The following STARD10 variants were observed in gnomAD, a reference collection of about 807,000 sequenced individuals.
STARD10 encodes the protein StAR related lipid transfer domain containing 10.
A neutral mutation model predicts 36.0 loss-of-function variants in STARD10; 24 were observed. That is an observed-to-expected ratio of 0.67 (90% CI 0.48 to 0.94). The LOEUF is 0.94. Among genes scored for constraint, STARD10 ranks in the 40% least tolerant of loss-of-function variants. The probability of loss-of-function intolerance (pLI) is 0.00; values close to 1 mark genes in which losing one functional copy is unlikely to be tolerated. For missense variants in STARD10, 335 were observed against 396.6 expected, an observed-to-expected ratio of 0.84 and a Z score of 1.32; for synonymous variants, 156 against 161.9, an observed-to-expected ratio of 0.96 and a Z score of 0.28.
intron 5 of STARD10, among the ~76,000 whole-genome samples, chr11:72,756,374 T>C (rs1858644427): frequency 6.6e-6 from 1 of 151,978 alleles, no homozygotes; most frequent in South Asian, 2.1e-4. Flanking sequence ...CCCCATCCTC[T>C]AGTCATTCAC....
intron 2 of STARD10, among the ~76,000 whole-genome samples, chr11:72,763,146 CAAG>C (rs1858743128): frequency 6.6e-6 from 1 of 152,154 alleles, no homozygotes; most frequent in Non-Finnish European, 1.5e-5. Flanking sequence ...CAGTCCCAGG[CAAG>C]CTAGGACAGT....
At chr11:72,785,263 A>C (rs1859056933) in intron 1 of STARD10, among the ~76,000 whole-genome samples, 1 of 152,014 alleles carries the variant, frequency 6.6e-6, no homozygotes, top group Non-Finnish European at 1.5e-5. Flanking sequence ...GCAGGGACAA[A>C]GCAGAAATAA....
At chr11:72,757,963 AC>A (rs1288704975) in intron 4 of STARD10, 79 bp from the exon 5 acceptor site, 16 of 1,142,486 alleles carry the variant, frequency 1.4e-5, no homozygotes, top group Non-Finnish European at 1.7e-5. Flanking sequence ...ACAAACGCGC[AC>A]GCGCACACAC....
chr11:72,772,516 A>G (rs1353213741), intron 2 of STARD10, among the ~76,000 whole-genome samples: 1 of 152,018 alleles, frequency 6.6e-6, no homozygotes, highest in African/African-American at 2.4e-5. Context: ...GCCCCTCTTC[A>G]CTGCCCAGAC....
At chr11:72,792,612 T>C (rs540855157) in intron 1 of STARD10, among the ~76,000 whole-genome samples, 12 of 152,052 alleles carry the variant, frequency 7.9e-5, no homozygotes, top group Non-Finnish European at 1.5e-4. Flanking sequence ...TGTGCCTAGG[T>C]GCCACCTCGC....
At chr11:72,786,986 A>G (rs748228358) in intron 1 of STARD10, among the ~76,000 whole-genome samples, 3 of 146,342 alleles carry the variant, frequency 2.0e-5, no homozygotes, top group African/African-American at 7.6e-5. Context: ...TAGGAGCCTG[A>G]GGTGAGAGGA....
intron 2 of STARD10, among the ~76,000 whole-genome samples, chr11:72,777,511 C>T (rs1419371662): frequency 6.6e-6 from 1 of 152,246 alleles, no homozygotes; most frequent in African/African-American, 2.4e-5. Flanking sequence ...CTGACCTGGG[C>T]TTTGAGAGAC....
intron 3 of STARD10, 110 bp from the exon 4 acceptor site, chr11:72,758,743 A>C: frequency 1.4e-6 from 1 of 731,980 alleles, no homozygotes; most frequent in South Asian, 1.8e-5. Context: ...CCAGCTCTCC[A>C]GTGCAAAGAT....
At chr11:72,780,795 G>T in intron 2 of STARD10, 180 bp downstream of exon 2, 1 of 647,842 alleles carries the variant, frequency 1.5e-6, no homozygotes, top group Non-Finnish European at 2.7e-6. Flanking sequence ...GGCCTCGGTT[G>T]GCCCATCTGT....
chr11:72,793,700 G>A lies in STARD10; in HGVS notation c.-939C>T, dbSNP rs563693736. 2 of 152,322 alleles carry A rather than the reference G, an allele frequency of 1.3e-5. No individual in the cohort carries two copies. The highest frequency in any genetic ancestry group is 4.1e-4 in the South Asian group (2 of 4,826). The allele number at this position is 152,322 out of a possible 1,614,324, so 9.4% of individuals were successfully genotyped here. On this transcript the variant is annotated 5_prime_UTR_variant, in exon 1 of 7. Coordinates refer to ENST00000334805, the MANE Select transcript of STARD10 (RefSeq NM_006645.3). Reference sequence around the variant, plus strand: ...CCCACGTGTCGATCCCGAGACTCTCGGCTTGCGCAGGCGCTCTTTGGTGTT... The same window carrying A: ...CCCACGTGTCGATCCCGAGACTCTCAGCTTGCGCAGGCGCTCTTTGGTGTT...
In STARD10 at chr11:72,781,284, C is replaced by T; in HGVS notation, c.-103G>A. On this transcript the variant is annotated 5_prime_UTR_variant, in exon 2 of 7. Transcript: ENST00000334805. This position sits in a 1 kb window ranked among gnomAD's most constrained non-coding sequence, Gnocchi z 4.7. ...ACGCGGCTGCAGATGCTGACGCCAC[C>T]TTCCTGGGACCTGCAAGACCGGTTT... The T allele has an allele frequency of 4.0e-6, 4 of 1,007,506 alleles. No homozygotes were observed. Among genetic ancestry groups the T allele is most frequent in the Non-Finnish European group, 5.9e-6 (4 of 682,972 alleles). The allele number at this position is 1,007,506 out of a possible 1,614,324, so 62.4% of individuals were successfully genotyped here.
intron 1 of STARD10, among the ~76,000 whole-genome samples, chr11:72,788,574 C>CTTT (rs72079658): frequency 2.9e-4 from 42 of 146,580 alleles, no homozygotes; most frequent in Middle Eastern, 3.5e-3. Context: ...GAAATTCAGC[C>CTTT]TTTTTTTTTT....
At chr11:72,761,725 C>T (rs996296188) in intron 2 of STARD10, among the ~76,000 whole-genome samples, 2 of 151,342 alleles carry the variant, frequency 1.3e-5, no homozygotes. Context: ...GCCTGGGTGA[C>T]AGAGCAAGAC....
chr11:72,778,553 AC>A, intron 2 of STARD10, among the ~76,000 whole-genome samples: 1 of 152,296 alleles, frequency 6.6e-6, no homozygotes, highest in East Asian at 1.9e-4. Context: ...GGTGCCCATA[AC>A]CAGGGTCCCA....
At chr11:72,759,140 G>A in intron 3 of STARD10, 94 bp downstream of exon 3, 3 of 1,487,082 alleles carry the variant, frequency 2.0e-6, no homozygotes, top group Non-Finnish European at 1.8e-6. Flanking sequence ...TTGGTCATGT[G>A]AGTAACCACA....
chr11:72,763,823 C>T (rs578054063), intron 2 of STARD10, among the ~76,000 whole-genome samples: 172 of 152,270 alleles, frequency 1.1e-3, no homozygotes, highest in African/African-American at 3.8e-3. Flanking sequence ...CAGGCACTGC[C>T]CCAAATGTTC....
intron 2 of STARD10, among the ~76,000 whole-genome samples, chr11:72,771,307 G>T (rs1858853491): frequency 6.6e-6 from 1 of 152,168 alleles, no homozygotes; most frequent in African/African-American, 2.4e-5. Context: ...TGGAGTTCAG[G>T]GGATGTTGGG....
rs529462422 is a variant in STARD10 at position 72,775,328 on chromosome 11, C to A, written c.207+5647G>T. Among the ~76,000 whole-genome samples the A allele has an allele frequency of 5.9e-5, 9 of 152,326 alleles. No homozygotes were observed. In the South Asian group the frequency reaches 1.7e-3, roughly 28 times the overall value. On this transcript the variant is annotated intron_variant, in intron 2 of 6. Coordinates refer to ENST00000334805, the MANE Select transcript of STARD10 (RefSeq NM_006645.3). ...TGCCCAGACAAATACAGCAGCAGCG[C>A]CCTCTTACCAGTCTCCCTGTCTAAA...
In STARD10 at chr11:72,754,823, G is replaced by C. The variant is rs761692402; in HGVS notation, c.*74C>G. ...TGCCACCAGGTGCCGGGTGGGGGAG[G>C]GGAGAAAGTGCAGGAGCGGCCGCCG... On this transcript the variant is annotated 3_prime_UTR_variant, in exon 7 of 7. Coordinates refer to ENST00000334805, the MANE Select transcript of STARD10 (RefSeq NM_006645.3). The C allele has an allele frequency of 2.6e-5, 40 of 1,542,508 alleles. No homozygotes were observed. Among genetic ancestry groups the C allele is most frequent in the Non-Finnish European group, 3.5e-5 (40 of 1,150,866 alleles).
Sources: gnomAD v4.1 joint callset for allele counts (sites outside exome capture counted in the v4.1 genomes callset) on GRCh38, gnomAD v4.1.1 for gene constraint, Gnocchi (gnomAD v3.1) non-coding constraint, MANE v1.5 for transcripts, NCBI Gene and HGNC (gene_info 2026-07-23, HGNC 2026-07-21) for gene names.